Variants in ARIH2 observed in about 807,000 individuals in gnomAD.
ARIH2 encodes the protein E3 ubiquitin-protein ligase ARIH2.
Under a neutral mutation model 79.8 loss-of-function variants are expected in ARIH2, and 12 were observed. That is an observed-to-expected ratio of 0.15 (90% CI 0.10 to 0.24). ARIH2 has a LOEUF of 0.24. Ranked by LOEUF, ARIH2 falls within the 10% of genes least tolerant of loss-of-function variation. The pLI, the probability that ARIH2 is intolerant of heterozygous loss-of-function variation, is 1.00. For missense variants in ARIH2, 301 were observed against 618.3 expected, an observed-to-expected ratio of 0.49 and a Z score of 5.44; for synonymous variants, 224 against 213.9, an observed-to-expected ratio of 1.05 and a Z score of -0.41.
chr3:48,953,222 G>A (rs950416409), intron 3 of ARIH2, among the ~76,000 whole-genome samples: 1 of 151,954 alleles, frequency 6.6e-6, no homozygotes, highest in Non-Finnish European at 1.5e-5. Flanking sequence ...AAGCCACCGC[G>A]CCTGGCCAGC....
chr3:48,945,838 G>A lies in ARIH2; in HGVS notation c.256-15774G>A, dbSNP rs531002396. ...TACACTGAATAAAGCTGAAACAGAAGTAGGGCAGCAAGTCACAGAATTGCT... is the reference window on the plus strand; with the variant it reads ...TACACTGAATAAAGCTGAAACAGAAATAGGGCAGCAAGTCACAGAATTGCT... On this transcript the variant is annotated intron_variant, in intron 3 of 15. Transcript: ENST00000356401. Among the ~76,000 whole-genome samples, 9 of 152,230 alleles carry A rather than the reference G, an allele frequency of 5.9e-5. No homozygotes were observed. The East Asian group carries it at 1.7e-3, about 29-fold the overall frequency.
At chr3:48,965,056 G>C (rs1218531021) in intron 5 of ARIH2, 74 bp downstream of exon 5, 3 of 1,439,360 alleles carry the variant, frequency 2.1e-6, no homozygotes, top group Non-Finnish European at 2.9e-6. Context: ...GTGTCCTTAA[G>C]AGCTATCTTT....
chr3:48,970,851 T>A (rs1320499408), intron 8 of ARIH2, 147 bp downstream of exon 8: 8 of 592,788 alleles, frequency 1.3e-5, no homozygotes, highest in Non-Finnish European at 2.4e-5. Context: ...GGTAGGTTTA[T>A]GTCCAGCATC....
At chr3:48,950,017 A>G (rs560771242) in intron 3 of ARIH2, among the ~76,000 whole-genome samples, 24 of 151,490 alleles carry the variant, frequency 1.6e-4, no homozygotes, top group Non-Finnish European at 2.7e-4. Flanking sequence ...CTAAGGCACA[A>G]TTTTCTTCTG....
At chr3:48,933,614 A>G (rs2086698053) in intron 3 of ARIH2, among the ~76,000 whole-genome samples, 1 of 139,006 alleles carries the variant, frequency 7.2e-6, no homozygotes, top group Non-Finnish European at 1.5e-5. Flanking sequence ...CAGTGGCACG[A>G]TCTCGGTTCA....
At chr3:48,963,421 G>A (rs1265968577) in intron 4 of ARIH2, among the ~76,000 whole-genome samples, 4 of 152,148 alleles carry the variant, frequency 2.6e-5, no homozygotes, top group Admixed American at 2.6e-4. Context: ...GGATAGCTGA[G>A]GGAAGCATTC....
chr3:48,940,449 C>T (rs1559752128), intron 3 of ARIH2, among the ~76,000 whole-genome samples: 1 of 152,112 alleles, frequency 6.6e-6, no homozygotes, highest in East Asian at 1.9e-4. Context: ...CCTGTAATCC[C>T]AGCACTTAGG....
intron 3 of ARIH2, among the ~76,000 whole-genome samples, chr3:48,949,634 T>G (rs2089693683): frequency 6.6e-6 from 1 of 152,244 alleles, no homozygotes; most frequent in African/African-American, 2.4e-5. Context: ...TGATCTTTCC[T>G]TGTGCTTATT....
intron 3 of ARIH2, among the ~76,000 whole-genome samples, chr3:48,960,511 C>T (rs958064330): frequency 1.3e-5 from 2 of 151,034 alleles, no homozygotes; most frequent in Non-Finnish European, 2.9e-5. Flanking sequence ...CACCTGTAAT[C>T]CCAGCACTTT....
intron 3 of ARIH2, among the ~76,000 whole-genome samples, chr3:48,950,413 T>C (rs1197722659): frequency 1.3e-5 from 2 of 152,224 alleles, no homozygotes; most frequent in Non-Finnish European, 2.9e-5. Context: ...GTATCTCCAC[T>C]GTCTTGATTA....
intron 3 of ARIH2, chr3:48,945,313 A>G: frequency 1.4e-6 from 1 of 713,196 alleles, no homozygotes; most frequent in Non-Finnish European, 2.0e-6. Context: ...GCTAGAGGAG[A>G]CTAAAAAGAT....
intron 3 of ARIH2, among the ~76,000 whole-genome samples, chr3:48,955,882 C>G (rs1316048164): frequency 6.6e-6 from 1 of 152,122 alleles, no homozygotes; most frequent in Non-Finnish European, 1.5e-5. Context: ...CTGAGACTAC[C>G]TTTTAGAATA....
At chr3:48,937,260 C>T (rs1437019263) in intron 3 of ARIH2, among the ~76,000 whole-genome samples, 1 of 152,182 alleles carries the variant, frequency 6.6e-6, no homozygotes, top group Non-Finnish European at 1.5e-5. Context: ...CCATCCTTTC[C>T]AGGAGTCTGT....
intron 3 of ARIH2, among the ~76,000 whole-genome samples, chr3:48,933,784 C>G (rs902139241): frequency 6.6e-6 from 1 of 151,854 alleles, no homozygotes; most frequent in African/African-American, 2.4e-5. Context: ...ATCTCCTGAC[C>G]TCATGATCCA....
chr3:48,964,357 G>A (rs1234019623), intron 4 of ARIH2, among the ~76,000 whole-genome samples: 2 of 137,852 alleles, frequency 1.5e-5, no homozygotes, highest in Admixed American at 7.6e-5. Flanking sequence ...GCTCTGTCTT[G>A]CAGGCTGGAG....
intron 12 of ARIH2, 95 bp from the exon 13 acceptor site, chr3:48,980,258 T>A: frequency 7.6e-7 from 1 of 1,324,016 alleles, no homozygotes; most frequent in South Asian, 1.4e-5. Context: ...TCTGTGGCCA[T>A]GTCCTGCCAG....
rs188423823 is a variant in ARIH2 at position 48,936,758 on chromosome 3, T to C, written c.255+8945T>C. 3.0e-4 allele frequency among the ~76,000 whole-genome samples: 42 copies of C among 140,760 alleles called. No individual in the cohort carries two copies. The East Asian group carries it at 8.6e-3, about 29-fold the overall frequency. 92.3% of individuals were successfully genotyped at this position (140,760 alleles called of 152,430 possible). On this transcript the variant is annotated intron_variant, in intron 3 of 15. Transcript: ENST00000356401. Reference sequence around the variant, plus strand: ...AAAAAAACAAAAACAGGCCGGGCGCTGTGGCTCATGCCTGTAATCCCAGCA... The same window carrying C: ...AAAAAAACAAAAACAGGCCGGGCGCCGTGGCTCATGCCTGTAATCCCAGCA...
chr3:48,940,538 A>C (rs1030635392), intron 3 of ARIH2, among the ~76,000 whole-genome samples: 26 of 151,980 alleles, frequency 1.7e-4, no homozygotes, highest in Non-Finnish European at 3.2e-4. Flanking sequence ...GGCTGAAGCC[A>C]TGGCAGAGGA....
chr3:48,936,687 T>G (rs1481748004), intron 3 of ARIH2, among the ~76,000 whole-genome samples: 3 of 148,236 alleles, frequency 2.0e-5, no homozygotes, highest in South Asian at 4.3e-4. Context: ...GAGCCAAGAT[T>G]GCACCACTGC....
Sources: gnomAD v4.1 joint callset for allele counts (sites outside exome capture counted in the v4.1 genomes callset) on GRCh38, gnomAD v4.1.1 for gene constraint, MANE v1.5 for transcripts, NCBI Gene and HGNC (gene_info 2026-07-23, HGNC 2026-07-21) for gene names.